The following CUX1 variants were observed in gnomAD, a reference collection of about 807,000 sequenced individuals.
CUX1 encodes the protein protein CASP.
A neutral mutation model predicts 158.8 loss-of-function variants in CUX1; 31 were observed. The observed-to-expected ratio is 0.20, with a 90% CI of 0.15 to 0.26. CUX1 has a LOEUF of 0.26. Among genes scored for constraint, CUX1 ranks in the 10% least tolerant of loss-of-function variants. The pLI, the probability that CUX1 is intolerant of heterozygous loss-of-function variation, is 1.00. For synonymous variants in CUX1, 879 were observed against 862.1 expected (o/e 1.02, Z -0.34); for missense variants, 1,589 against 2,014.6 (o/e 0.79, Z 4.04).
chr7:102,209,257 T>C (rs1243437633), intron 20 of CUX1, among the ~76,000 whole-genome samples: 2 of 152,220 alleles, frequency 1.3e-5, no homozygotes, highest in Non-Finnish European at 2.9e-5. Flanking sequence ...GAAACTGACA[T>C]TTCATTCACA....
At chr7:102,124,214 G>A (rs781874866) in intron 8 of CUX1, among the ~76,000 whole-genome samples, 27 of 152,338 alleles carry the variant, frequency 1.8e-4, no homozygotes, top group South Asian at 4.1e-4. Context: ...AAACGGGGGT[G>A]TCATGACACA....
At chr7:102,144,044 A>G (rs1281515580) in intron 8 of CUX1, among the ~76,000 whole-genome samples, 1 of 152,100 alleles carries the variant, frequency 6.6e-6, no homozygotes, top group African/African-American at 2.4e-5. Context: ...AGCCTCCCAA[A>G]GTGCTGGGAT....
At chr7:102,105,504 CTTT>C (rs781922611) in intron 6 of CUX1, among the ~76,000 whole-genome samples, 2 of 85,878 alleles carry the variant, frequency 2.3e-5, no homozygotes, top group Non-Finnish European at 4.1e-5. Context: ...CCATATAGAT[CTTT>C]TTTTTTTTTT....
At position 101,887,860 on chromosome 7, in the gene CUX1, T is replaced by G. The variant is rs568296177; in HGVS notation, c.31-28255T>G. Among the ~76,000 whole-genome samples the G allele has an allele frequency of 1.7e-4, 25 of 146,264 alleles. No homozygotes were observed. In the East Asian group the frequency reaches 3.9e-3, roughly 23 times the overall value. ...ACGGTGACATTTTTTTTTTTTTTTTTTTTTGTTTAGAAGCTTATGATTCAT... is the reference window on the plus strand; with the variant it reads ...ACGGTGACATTTTTTTTTTTTTTTTGTTTTGTTTAGAAGCTTATGATTCAT... On this transcript the variant is annotated intron_variant, in intron 1 of 23. Coordinates refer to ENST00000292535, the MANE Select transcript of CUX1 (RefSeq NM_181552.4).
intron 5 of CUX1, among the ~76,000 whole-genome samples, chr7:102,102,742 G>A (rs898483675): frequency 6.6e-6 from 1 of 152,310 alleles, no homozygotes; most frequent in African/African-American, 2.4e-5. Context: ...CTGCTAAGAG[G>A]TAGATCTGTA....
intron 2 of CUX1, among the ~76,000 whole-genome samples, chr7:102,000,171 G>A (rs963913572): frequency 2.1e-4 from 32 of 151,582 alleles, no homozygotes; most frequent in Admixed American, 7.9e-4. Context: ...AGCCAAGATC[G>A]CACCATTGCA....
chr7:102,097,539 C>G lies in CUX1; in HGVS notation c.406+38C>G, dbSNP rs781902544. ...TGCGTTCTTTGCTTTTTCTTTTCTT[C>G]TTTTTTTTCTCTTCTTTTTATTTTA... On this transcript the variant is annotated intron_variant, in intron 5 of 23. Coordinates refer to ENST00000292535, the MANE Select transcript of CUX1 (RefSeq NM_181552.4). 22 of 1,474,278 alleles carry G rather than the reference C, an allele frequency of 1.5e-5. No individual in the cohort carries two copies. The South Asian group carries it at 2.4e-4, about 16-fold the overall frequency. 91.3% of individuals were successfully genotyped at this position (1,474,278 alleles called of 1,614,324 possible).
At chr7:101,976,508 C>T (rs1362078846) in intron 2 of CUX1, among the ~76,000 whole-genome samples, 3 of 152,030 alleles carry the variant, frequency 2.0e-5, no homozygotes, top group Admixed American at 2.0e-4. Context: ...AATGAACTTC[C>T]CCTAAAAGCC....
chr7:102,274,289 GA>G lies in CUX1; in HGVS notation c.1430del (p.Glu477GlyfsTer119). 1 of 1,613,634 alleles carries G rather than the reference GA, an allele frequency of 6.2e-7. No individual in the cohort carries two copies. Among genetic ancestry groups the G allele is most frequent in the African/African-American group, 1.3e-5 (1 of 75,068 alleles). On this transcript the variant is annotated frameshift_variant, in exon 16 of 23. Coordinates refer to the CUX1 transcript ENST00000292538. LOFTEE classifies it high-confidence loss of function. ...GGAGAAGATCCCAGAGCCCATCAAA[GA>G]GGCCACTGCCCTATTCTACGGTAAG...
intron 2 of CUX1, among the ~76,000 whole-genome samples, chr7:101,919,570 G>A (rs1320710267): frequency 6.6e-6 from 1 of 152,204 alleles, no homozygotes; most frequent in Admixed American, 6.5e-5. Context: ...GCCAGGGCTG[G>A]TGGTGTTCCT....
chr7:102,116,015 C>T (rs1015754875), intron 8 of CUX1, among the ~76,000 whole-genome samples: 10 of 152,182 alleles, frequency 6.6e-5, no homozygotes, highest in Non-Finnish European at 8.8e-5. Context: ...GAAACACACA[C>T]GCGTGCTTAC....
intron 7 of CUX1, among the ~76,000 whole-genome samples, chr7:102,112,240 C>CTTTTTTTTTTTTT (rs201695519): frequency 2.3e-5 from 3 of 131,410 alleles, no homozygotes; most frequent in African/African-American, 8.6e-5. Context: ...CTTTCTCTCT[C>CTTTTTTTTTTTTT]TCTTTTTTTT....
At chr7:101,989,921 G>A (rs1462456718) in intron 2 of CUX1, among the ~76,000 whole-genome samples, 4 of 152,240 alleles carry the variant, frequency 2.6e-5, no homozygotes, top group East Asian at 1.9e-4. Flanking sequence ...TCGCTTGCAC[G>A]CAGGTGCAGC....
intron 20 of CUX1, among the ~76,000 whole-genome samples, chr7:102,208,220 A>G (rs1202141851): frequency 7.0e-6 from 1 of 142,106 alleles, no homozygotes; most frequent in Non-Finnish European, 1.5e-5. Flanking sequence ...AAAAAAAGCT[A>G]TGTTCACAGT....
chr7:101,920,244 C>G (rs1409412440), intron 2 of CUX1, among the ~76,000 whole-genome samples: 2 of 152,032 alleles, frequency 1.3e-5, no homozygotes, highest in Non-Finnish European at 2.9e-5. Flanking sequence ...GCCTCAGCCT[C>G]CCGAGTAGCT....
intron 3 of CUX1, among the ~76,000 whole-genome samples, chr7:102,039,232 CGA>C (rs1189538181): frequency 6.6e-6 from 1 of 152,084 alleles, no homozygotes; most frequent in Non-Finnish European, 1.5e-5. Flanking sequence ...GGACTAAACC[CGA>C]GAGAGGATTC....
At chr7:101,913,389 C>T (rs926228692) in intron 1 of CUX1, 6 of 1,265,084 alleles carry the variant, frequency 4.7e-6, no homozygotes, top group African/African-American at 3.1e-5. Flanking sequence ...TCCCCGACTG[C>T]CAGCAGCAAG....
chr7:101,912,022 G>C (rs1803544306), intron 1 of CUX1, among the ~76,000 whole-genome samples: 1 of 152,224 alleles, frequency 6.6e-6, no homozygotes, highest in Admixed American at 6.5e-5. Flanking sequence ...GAGCCCATCA[G>C]TTTGCTGCTA....
intron 6 of CUX1, among the ~76,000 whole-genome samples, chr7:102,106,102 T>G (rs1830322977): frequency 7.1e-6 from 1 of 141,554 alleles, no homozygotes; most frequent in Non-Finnish European, 1.5e-5. Context: ...TTTTTTTTTT[T>G]TTTGAGATGG....
Sources: gnomAD v4.1 joint callset for allele counts (sites outside exome capture counted in the v4.1 genomes callset) on GRCh38, gnomAD v4.1.1 for gene constraint, MANE v1.5 for transcripts, NCBI Gene and HGNC (gene_info 2026-07-23, HGNC 2026-07-21) for gene names.